Variants in ZPBP observed in about 807,000 individuals in gnomAD.
The protein encoded by ZPBP is zona pellucida-binding protein 1.
Under a neutral mutation model 44.8 loss-of-function variants are expected in ZPBP, and 26 were observed. That is an observed-to-expected ratio of 0.58 (90% CI 0.43 to 0.81). The LOEUF (loss-of-function observed/expected upper bound fraction) is 0.81. Ranked by LOEUF, ZPBP falls within the 30% of genes least tolerant of loss-of-function variation. ZPBP has a pLI of 0.00. For missense variants in ZPBP, 409 were observed against 434.0 expected (o/e 0.94, Z 0.51); for synonymous variants, 174 against 153.2 (o/e 1.14, Z -1.00).
chr7:50,024,018 C>G (rs1025206559), intron 5 of ZPBP, among the ~76,000 whole-genome samples: 5 of 151,412 alleles, frequency 3.3e-5, no homozygotes, highest in Non-Finnish European at 5.9e-5. Flanking sequence ...GTATAATATA[C>G]AAAATGGTAA....
intron 7 of ZPBP, among the ~76,000 whole-genome samples, chr7:49,960,235 C>A (rs1795803748): frequency 6.6e-6 from 1 of 152,030 alleles, no homozygotes; most frequent in Non-Finnish European, 1.5e-5. Context: ...GCCTGGTCAA[C>A]ATGGTGAAAG....
At chr7:49,983,623 A>G (rs1797126638) in intron 6 of ZPBP, 104 bp from the exon 7 acceptor site, 4 of 708,180 alleles carry the variant, frequency 5.6e-6, no homozygotes, top group South Asian at 3.8e-5. Flanking sequence ...ACAAAGTCTC[A>G]AGGTCATTAT....
chr7:50,020,688 A>C (rs1013841782), intron 5 of ZPBP, among the ~76,000 whole-genome samples: 17 of 152,142 alleles, frequency 1.1e-4, no homozygotes, highest in Non-Finnish European at 2.4e-4. Flanking sequence ...GAATGATGCC[A>C]GCAAAAATAG....
chr7:49,893,634 A>AG (rs2128731546), intron 2 of ZPBP, among the ~76,000 whole-genome samples: 1 of 85,142 alleles, frequency 1.2e-5, no homozygotes, highest in South Asian at 3.8e-4. Flanking sequence ...TTAGGAAACC[A>AG]GTTTTTTTTT....
intron 7 of ZPBP, among the ~76,000 whole-genome samples, chr7:49,965,893 T>G (rs1169283026): frequency 6.6e-6 from 1 of 152,034 alleles, no homozygotes; most frequent in Admixed American, 6.6e-5. Flanking sequence ...TTCTACCTAA[T>G]AGGTCAAGTC....
intron 4 of ZPBP, among the ~76,000 whole-genome samples, chr7:50,043,076 C>T (rs568112721): frequency 6.6e-6 from 1 of 152,334 alleles, no homozygotes; most frequent in African/African-American, 2.4e-5. Context: ...CGCTTAAAGG[C>T]CTTCCTAAAC....
At chr7:49,997,420 T>A (rs989769564) in intron 6 of ZPBP, among the ~76,000 whole-genome samples, 1 of 152,158 alleles carries the variant, frequency 6.6e-6, no homozygotes, top group African/African-American at 2.4e-5. Context: ...TTCACACACA[T>A]TTTCCTTAGA....
chr7:49,981,462 T>G (rs1264669237), intron 7 of ZPBP, among the ~76,000 whole-genome samples: 1 of 67,158 alleles, frequency 1.5e-5, no homozygotes, highest in African/African-American at 6.1e-5. Flanking sequence ...CATATAATAA[T>G]ATATATAATT....
chr7:49,901,375 G>A (rs976882653), intron 1 of ZPBP, among the ~76,000 whole-genome samples: 1 of 151,660 alleles, frequency 6.6e-6, no homozygotes, highest in African/African-American at 2.4e-5. Flanking sequence ...AGTGTACAAG[G>A]TTAATAGACA....
intron 7 of ZPBP, among the ~76,000 whole-genome samples, chr7:49,977,655 G>A (rs1422067960): frequency 1.3e-5 from 2 of 152,036 alleles, no homozygotes; most frequent in Non-Finnish European, 2.9e-5. Context: ...ATCAGCAATA[G>A]CTATTCTTTT....
chr7:50,091,281 G>A (rs1007389409), intron 1 of ZPBP, among the ~76,000 whole-genome samples: 1 of 152,096 alleles, frequency 6.6e-6, no homozygotes, highest in African/African-American at 2.4e-5. Context: ...TCTGTGGGTT[G>A]TCTGTTTACT....
At chr7:50,049,705 T>C (rs1166180307) in intron 4 of ZPBP, among the ~76,000 whole-genome samples, 1 of 151,976 alleles carries the variant, frequency 6.6e-6, no homozygotes, top group Non-Finnish European at 1.5e-5. Flanking sequence ...CAGCTAACAT[T>C]ATATATACTC....
intron 6 of ZPBP, among the ~76,000 whole-genome samples, chr7:50,009,753 C>A (rs1355151933): frequency 3.3e-5 from 5 of 151,628 alleles, no homozygotes; most frequent in Admixed American, 3.3e-4. Context: ...CAAAACAAAA[C>A]AAAATGAAAA....
At chr7:49,969,325 C>A (rs1796188343) in intron 7 of ZPBP, among the ~76,000 whole-genome samples, 2 of 150,238 alleles carry the variant, frequency 1.3e-5, no homozygotes, top group African/African-American at 4.9e-5. Flanking sequence ...CAATTATATA[C>A]CTGAATGTAA....
downstream of ZPBP, among the ~76,000 whole-genome samples, chr7:49,935,474 C>A (rs1794588950): frequency 6.6e-6 from 1 of 152,154 alleles, no homozygotes; most frequent in Non-Finnish European, 1.5e-5. Flanking sequence ...TCTCAGCTCA[C>A]TGCACACTCC....
chr7:49,915,424 A>G (rs953936915), intron 1 of ZPBP: 8 of 152,248 alleles, frequency 5.3e-5, no homozygotes, highest in African/African-American at 1.9e-4. Context: ...AAGAATTATC[A>G]TGCAGTTTTA....
intron 7 of ZPBP, among the ~76,000 whole-genome samples, chr7:49,941,347 C>T (rs1794876375): frequency 6.6e-6 from 1 of 152,038 alleles, no homozygotes; most frequent in Admixed American, 6.6e-5. Context: ...ATCCATGCAC[C>T]CATGTCCATT....
At chr7:49,970,711 T>C (rs980651354) in intron 7 of ZPBP, among the ~76,000 whole-genome samples, 7 of 151,236 alleles carry the variant, frequency 4.6e-5, no homozygotes, top group African/African-American at 1.7e-4. Context: ...ATTCAAAGGG[T>C]CAGTATAGAA....
At chr7:49,925,453 T>G (rs1583852824) in intron 1 of ZPBP, among the ~76,000 whole-genome samples, 1 of 152,172 alleles carries the variant, frequency 6.6e-6, no homozygotes, top group African/African-American at 2.4e-5. Flanking sequence ...AAAGCAGGTG[T>G]CCATGCTATT....
Sources: gnomAD v4.1 joint callset for allele counts (sites outside exome capture counted in the v4.1 genomes callset) on GRCh38, gnomAD v4.1.1 for gene constraint, MANE v1.5 for transcripts, NCBI Gene and HGNC (gene_info 2026-07-23, HGNC 2026-07-21) for gene names.